Variants in PACRG observed in about 807,000 individuals in gnomAD.
The protein encoded by PACRG is parkin coregulated.
Under a neutral mutation model 29.7 loss-of-function variants are expected in PACRG, and 29 were observed. The observed-to-expected ratio is 0.98, with a 90% CI of 0.73 to 1.33. The LOEUF is 1.33. PACRG is among the 40% of genes most tolerant of loss of function. PACRG has a pLI of 0.00. For synonymous variants in PACRG, 116 were observed against 118.7 expected, an observed-to-expected ratio of 0.98 and a Z score of 0.15; for missense variants, 279 against 316.2, an observed-to-expected ratio of 0.88 and a Z score of 0.89.
intron 2 of PACRG, among the ~76,000 whole-genome samples, chr6:162,889,313 C>A (rs1794593698): frequency 6.6e-6 from 1 of 152,124 alleles, no homozygotes; most frequent in African/African-American, 2.4e-5. Flanking sequence ...CCTCTTGCCA[C>A]TAATCAGGCT....
chr6:162,808,010 C>T (rs1398544700), intron 1 of PACRG, among the ~76,000 whole-genome samples: 2 of 152,062 alleles, frequency 1.3e-5, no homozygotes, highest in Non-Finnish European at 2.9e-5. Flanking sequence ...CTCATTTTTG[C>T]TATCATTGAG....
chr6:163,054,430 G>A (rs1810349935), intron 2 of PACRG, among the ~76,000 whole-genome samples: 2 of 152,158 alleles, frequency 1.3e-5, no homozygotes, highest in African/African-American at 4.8e-5. Context: ...CCAGCCTCCA[G>A]AACTGTGGGA....
chr6:163,023,352 TGCTTAGGATAATGACCTCCA>T (rs1806822978), intron 2 of PACRG, among the ~76,000 whole-genome samples: 1 of 152,228 alleles, frequency 6.6e-6, no homozygotes, highest in African/African-American at 2.4e-5. Context: ...TGTGTTAATT[TGCTTAGGATAATGACCTCCA>T]GCTCTATTTA....
At chr6:162,815,356 A>C (rs1584439940) in intron 2 of PACRG, among the ~76,000 whole-genome samples, 1 of 151,422 alleles carries the variant, frequency 6.6e-6, no homozygotes, top group East Asian at 1.9e-4. Flanking sequence ...CATTAAAATT[A>C]AATTTTTCCT....
intron 2 of PACRG, among the ~76,000 whole-genome samples, chr6:162,982,025 G>T (rs1342583607): frequency 6.6e-6 from 1 of 151,454 alleles, no homozygotes; most frequent in Non-Finnish European, 1.5e-5. Flanking sequence ...ATCTAGGAGG[G>T]TTGTATATTT....
intron 1 of PACRG, among the ~76,000 whole-genome samples, chr6:162,763,446 T>C (rs976843977): frequency 1.7e-4 from 26 of 152,156 alleles, no homozygotes; most frequent in African/African-American, 6.0e-4. Flanking sequence ...AGAACATACA[T>C]CAGCAAAATG....
chr6:163,296,084 A>C (rs1784769537), intron 4 of PACRG, among the ~76,000 whole-genome samples: 1 of 152,212 alleles, frequency 6.6e-6, no homozygotes, highest in African/African-American at 2.4e-5. Context: ...AGACTCGTGG[A>C]AACCCATTTT....
At chr6:163,178,675 C>A (rs919413251) in intron 4 of PACRG, among the ~76,000 whole-genome samples, 5 of 152,170 alleles carry the variant, frequency 3.3e-5, no homozygotes, top group Admixed American at 6.5e-5. Context: ...CAAACTTAAT[C>A]TTTACATTAA....
chr6:163,308,393 T>C (rs1056957197), intron 4 of PACRG, among the ~76,000 whole-genome samples: 1 of 152,182 alleles, frequency 6.6e-6, no homozygotes, highest in African/African-American at 2.4e-5. Context: ...TGGCTGGGTG[T>C]GGTGGCTCAC....
intron 2 of PACRG, among the ~76,000 whole-genome samples, chr6:162,881,961 T>TGGGC (rs1793898823): frequency 1.7e-5 from 1 of 59,954 alleles, no homozygotes; most frequent in Admixed American, 2.0e-4. Context: ...CAGAGATGGG[T>TGGGC]GGGGGGGGGC....
intron 2 of PACRG, among the ~76,000 whole-genome samples, chr6:162,927,291 C>T (rs1797515363): frequency 6.6e-6 from 1 of 152,040 alleles, no homozygotes; most frequent in South Asian, 2.1e-4. Context: ...ACCCAGCAAT[C>T]CCATTGCTGG....
At chr6:163,251,915 CAAATGG>C (rs1275125545) in intron 4 of PACRG, among the ~76,000 whole-genome samples, 1 of 152,148 alleles carries the variant, frequency 6.6e-6, no homozygotes, top group Non-Finnish European at 1.5e-5. Context: ...CATGGTTCTT[CAAATGG>C]AATAATAATA....
intron 4 of PACRG, among the ~76,000 whole-genome samples, chr6:163,090,770 A>G (rs973564644): frequency 7.9e-5 from 12 of 152,156 alleles, no homozygotes; most frequent in Admixed American, 2.6e-4. Context: ...AACTTGAGGG[A>G]GATAGAGATA....
intron 1 of PACRG, among the ~76,000 whole-genome samples, chr6:162,798,137 CT>C (rs770631991): frequency 9.9e-4 from 150 of 152,282 alleles, no homozygotes; most frequent in Non-Finnish European, 1.8e-3. Flanking sequence ...TTCCTAAATG[CT>C]TATTTAAAGT....
chr6:162,814,387 A>G, intron 2 of PACRG, 106 bp downstream of exon 2: 1 of 1,390,296 alleles, frequency 7.2e-7, no homozygotes, highest in Non-Finnish European at 9.8e-7. Context: ...GTCATTTCTC[A>G]GCACATGGAA....
chr6:163,269,285 C>T (rs1783647666), intron 4 of PACRG, among the ~76,000 whole-genome samples: 2 of 152,202 alleles, frequency 1.3e-5, no homozygotes, highest in African/African-American at 4.8e-5. Flanking sequence ...TGCCAAGGAT[C>T]CCTTCCCATC....
intron 2 of PACRG, among the ~76,000 whole-genome samples, chr6:163,036,088 T>C (rs1808160379): frequency 6.6e-6 from 1 of 152,246 alleles, no homozygotes; most frequent in Non-Finnish European, 1.5e-5. Context: ...ATTTGCTAAG[T>C]CAGTCTGCTC....
intron 2 of PACRG, among the ~76,000 whole-genome samples, chr6:162,917,431 A>G (rs960377014): frequency 4.6e-5 from 7 of 152,140 alleles, no homozygotes; most frequent in Admixed American, 4.6e-4. Context: ...GGAAAATACA[A>G]CACCTTCTGC....
At chr6:163,084,737 T>A (rs1813388387) in intron 3 of PACRG, among the ~76,000 whole-genome samples, 1 of 151,904 alleles carries the variant, frequency 6.6e-6, no homozygotes, top group African/African-American at 2.4e-5. Flanking sequence ...TTATCCATTG[T>A]GAGAGAGATT....
Sources: gnomAD v4.1 joint callset for allele counts (sites outside exome capture counted in the v4.1 genomes callset) on GRCh38, gnomAD v4.1.1 for gene constraint, MANE v1.5 for transcripts, NCBI Gene and HGNC (gene_info 2026-07-23, HGNC 2026-07-21) for gene names.